INPP5D: variants seen among roughly 807,000 people sequenced by gnomAD.
The protein encoded by INPP5D is phosphatidylinositol 3,4,5-trisphosphate 5-phosphatase 1.
A neutral mutation model predicts 122.9 loss-of-function variants in INPP5D; 33 were observed. The ratio of observed to expected loss-of-function variants is 0.27; its 90% CI spans 0.20 to 0.36. The LOEUF (loss-of-function observed/expected upper bound fraction) is 0.36. Ranked by LOEUF, INPP5D falls within the 10% of genes least tolerant of loss-of-function variation. The pLI is 1.00. For missense variants in INPP5D, 1,053 were observed against 1,412.7 expected (o/e 0.75, Z 4.08); for synonymous variants, 584 against 576.2 (o/e 1.01, Z -0.19).
chr2:233,201,394 C>A (rs1695337038), intron 25 of INPP5D, among the ~76,000 whole-genome samples: 1 of 152,236 alleles, frequency 6.6e-6, no homozygotes, highest in Admixed American at 6.5e-5. Flanking sequence ...CTCCCCACAG[C>A]CCCATGGTGA....
intron 19 of INPP5D, 68 bp from the exon 20 acceptor site, chr2:233,184,340 G>T: frequency 6.4e-7 from 1 of 1,570,460 alleles, no homozygotes; most frequent in South Asian, 1.2e-5. Flanking sequence ...TGTGGCATGA[G>T]AACTAATTTG....
At chr2:233,124,406 G>A (rs1693091370) in intron 3 of INPP5D, among the ~76,000 whole-genome samples, 1 of 152,212 alleles carries the variant, frequency 6.6e-6, no homozygotes, top group African/African-American at 2.4e-5. Context: ...CACTTTTCAT[G>A]GTTGTGCAGC....
intron 4 of INPP5D, among the ~76,000 whole-genome samples, chr2:233,126,747 C>T (rs1204239011): frequency 6.6e-6 from 1 of 152,094 alleles, no homozygotes; most frequent in Admixed American, 6.5e-5. Flanking sequence ...TGGCAAAACC[C>T]CTTCTCCACT....
intron 19 of INPP5D, 44 bp from the exon 20 acceptor site, chr2:233,184,364 C>T: frequency 6.2e-7 from 1 of 1,606,064 alleles, no homozygotes; most frequent in South Asian, 1.1e-5. Flanking sequence ...TGCTCCATCT[C>T]CAGGCACATT....
chr2:233,136,785 T>C (rs1693476899), intron 5 of INPP5D, among the ~76,000 whole-genome samples: 1 of 151,978 alleles, frequency 6.6e-6, no homozygotes. Context: ...ATGGTAAAAA[T>C]AAAAACAGAG....
intron 17 of INPP5D, among the ~76,000 whole-genome samples, chr2:233,174,211 C>T (rs1410103396): frequency 6.6e-6 from 1 of 152,238 alleles, no homozygotes; most frequent in Non-Finnish European, 1.5e-5. Flanking sequence ...AGTTGTTTAT[C>T]ATTATCAAAT....
chr2:233,184,715 C>T (rs1300574099), intron 20 of INPP5D, among the ~76,000 whole-genome samples, 194 bp downstream of exon 20: 1 of 152,218 alleles, frequency 6.6e-6, no homozygotes, highest in Non-Finnish European at 1.5e-5. Context: ...GTGGCCTGTG[C>T]AGCCCTAGGG....
At position 233,146,148 on chromosome 2, in the gene INPP5D, C is replaced by G; in HGVS notation, c.754-14C>G. ...CAGTGATGCTGCCCTGATCCTCTTT[C>G]CCTCCTCTCCCAGGTTCCTGGTGAG... On this transcript the variant is annotated splice_polypyrimidine_tract_variant and intron_variant, in intron 6 of 26. Coordinates refer to ENST00000445964, the MANE Select transcript of INPP5D (RefSeq NM_001017915.3). 1 of 704,176 alleles carries G rather than the reference C, an allele frequency of 1.4e-6. No homozygotes were observed. The highest frequency in any genetic ancestry group is 2.6e-6 in the Non-Finnish European group (1 of 384,984). 43.6% of individuals were successfully genotyped at this position (704,176 alleles called of 1,614,324 possible). A position where few individuals can be genotyped will look rare whatever the true frequency, so the allele number is the denominator to read the frequency against.
At chr2:233,158,200 G>A (rs554447315) in intron 9 of INPP5D, 113 bp from the exon 10 acceptor site, 24 of 598,188 alleles carry the variant, frequency 4.0e-5, no homozygotes, top group African/African-American at 2.6e-4. Flanking sequence ...ACACAAACTC[G>A]GGGCTCAGCT....
chr2:233,074,555 A>G (rs185623471), intron 1 of INPP5D, among the ~76,000 whole-genome samples: 60 of 152,112 alleles, frequency 3.9e-4, no homozygotes, highest in Non-Finnish European at 6.8e-4. Flanking sequence ...AATGGTGAAC[A>G]GTTTGTTTCC....
At chr2:233,192,527 C>T (rs986262017) in intron 22 of INPP5D, among the ~76,000 whole-genome samples, 10 of 152,128 alleles carry the variant, frequency 6.6e-5, no homozygotes, top group African/African-American at 2.4e-4. Context: ...TTAGATGAAA[C>T]ACATTTTCCA....
At chr2:233,097,372 C>T (rs1181722161) in intron 2 of INPP5D, among the ~76,000 whole-genome samples, 1 of 152,128 alleles carries the variant, frequency 6.6e-6, no homozygotes, top group Non-Finnish European at 1.5e-5. Context: ...CTGAAAAAAT[C>T]CCAGTTAGAA....
At chr2:233,089,711 C>T (rs967924323) in intron 2 of INPP5D, among the ~76,000 whole-genome samples, 3 of 152,246 alleles carry the variant, frequency 2.0e-5, no homozygotes, top group Admixed American at 6.5e-5. Context: ...TTCCCGGCAG[C>T]TCATTCATTT....
At chr2:233,142,600 G>A (rs1275819140) in intron 6 of INPP5D, among the ~76,000 whole-genome samples, 1 of 152,168 alleles carries the variant, frequency 6.6e-6, no homozygotes, top group East Asian at 1.9e-4. Flanking sequence ...GAAATGCAAT[G>A]TTATCAAAAT....
chr2:233,182,526 CTG>C, intron 19 of INPP5D, 27 bp downstream of exon 19: 4 of 1,610,822 alleles, frequency 2.5e-6, no homozygotes, highest in Non-Finnish European at 3.4e-6. Context: ...GTCTGTTTCT[CTG>C]TTTTCCTCAA....
intron 1 of INPP5D, among the ~76,000 whole-genome samples, chr2:233,063,969 A>T (rs1368952160): frequency 1.3e-5 from 2 of 152,278 alleles, no homozygotes; most frequent in South Asian, 2.1e-4. Flanking sequence ...CGCAGGGGCC[A>T]GCACACCTGG....
At position 233,138,497 on chromosome 2, in the gene INPP5D, A is replaced by T. The variant is rs141765270; in HGVS notation, c.666-1345A>T. On this transcript the variant is annotated intron_variant, in intron 5 of 26. Transcript: ENST00000445964. ...AAAACAATGACATTAGAAATTAAAG[A>T]TATGCAAATTTATTCATCCGTATTG... 7.4e-3 allele frequency among the ~76,000 whole-genome samples: 1,128 copies of T among 152,230 alleles called. 18 individuals carry two copies. The highest frequency in any genetic ancestry group is 0.025 in the African/African-American group (1,057 of 41,560).
At chr2:233,152,758 C>T (rs954775348) in intron 9 of INPP5D, among the ~76,000 whole-genome samples, 1 of 152,106 alleles carries the variant, frequency 6.6e-6, no homozygotes, top group East Asian at 1.9e-4. Context: ...AGGACTCAGA[C>T]AAGGCTGAGG....
chr2:233,103,429 G>A (rs553059882), intron 2 of INPP5D, among the ~76,000 whole-genome samples: 21 of 152,288 alleles, frequency 1.4e-4, no homozygotes, highest in Admixed American at 9.1e-4. Context: ...TGAGAGAGAC[G>A]GGAGGGCTTT....
Sources: allele counts gnomAD v4.1 joint callset (sites outside exome capture counted in the v4.1 genomes callset), GRCh38; gene constraint gnomAD v4.1.1; transcripts MANE v1.5; gene names NCBI Gene and HGNC (gene_info 2026-07-23, HGNC 2026-07-21).